SASH1: variants seen among roughly 807,000 people sequenced by gnomAD.
SASH1 encodes SAM and SH3 domain-containing protein 1.
A neutral mutation model predicts 125.2 loss-of-function variants in SASH1; 44 were observed. The observed-to-expected ratio is 0.35, with a 90% CI of 0.28 to 0.45. SASH1 has a LOEUF of 0.45. Ranked by LOEUF, SASH1 falls within the 20% of genes least tolerant of loss-of-function variation. The pLI, the probability that SASH1 is intolerant of heterozygous loss-of-function variation, is 1.00. For missense variants in SASH1, 1,426 were observed against 1,614.5 expected, an observed-to-expected ratio of 0.88 and a Z score of 2.00; for synonymous variants, 639 against 649.1, an observed-to-expected ratio of 0.98 and a Z score of 0.24.
At chr6:148,257,084 G>C in the SASH1 span, among the ~76,000 whole-genome samples, 1 of 152,132 alleles carries the variant, frequency 6.6e-6, no homozygotes. Flanking sequence ...CAATACGGCT[G>C]TTAACAAAAA....
At chr6:148,496,560 C>G (rs936841977) in intron 8 of SASH1, among the ~76,000 whole-genome samples, 2 of 151,636 alleles carry the variant, frequency 1.3e-5, no homozygotes, top group Non-Finnish European at 2.9e-5. Flanking sequence ...GTAGATGAAC[C>G]CTTTTCAAAA....
the SASH1 span, among the ~76,000 whole-genome samples, chr6:148,217,476 G>A: frequency 9.9e-5 from 15 of 152,220 alleles, no homozygotes; most frequent in African/African-American, 2.2e-4. Flanking sequence ...ATGTGGTACC[G>A]TTTTGTTCTT....
At chr6:148,408,160 T>C (rs1479830157) in intron 2 of SASH1, among the ~76,000 whole-genome samples, 3 of 149,102 alleles carry the variant, frequency 2.0e-5, no homozygotes, top group Non-Finnish European at 1.5e-5. Context: ...TTTTTTTTTT[T>C]GAGACAGAGT....
At chr6:148,297,778 C>T (rs900452122) in intron 1 of SASH1, among the ~76,000 whole-genome samples, 3 of 151,160 alleles carry the variant, frequency 2.0e-5, no homozygotes, top group East Asian at 2.0e-4. Context: ...TGCAGTGAGC[C>T]GAGATCGTGC....
the SASH1 span, among the ~76,000 whole-genome samples, chr6:148,193,759 T>TGCAAAA: frequency 6.6e-6 from 1 of 152,244 alleles, no homozygotes; most frequent in Non-Finnish European, 1.5e-5. Context: ...AAGTGAAACG[T>TGCAAAA]GCCTTCTACA....
At chr6:148,266,026 G>A in the SASH1 span, among the ~76,000 whole-genome samples, 2 of 151,072 alleles carry the variant, frequency 1.3e-5, no homozygotes. Context: ...AGGCTAGAGT[G>A]CAATGGCACA....
chr6:148,481,061 A>G (rs1778596842), intron 7 of SASH1, among the ~76,000 whole-genome samples: 1 of 117,836 alleles, frequency 8.5e-6, no homozygotes, highest in African/African-American at 2.7e-5. Context: ...GATTTTAAAT[A>G]ACAATTTCTG....
intron 1 of SASH1, among the ~76,000 whole-genome samples, chr6:148,301,326 C>CAA (rs746767710): frequency 5.0e-5 from 5 of 99,762 alleles, no homozygotes; most frequent in Admixed American, 1.1e-4. Flanking sequence ...AACTCCATCT[C>CAA]AAAAAAAAAA....
chr6:148,544,925 TGGACAGGA>T lies in SASH1; in HGVS notation c.3348+109_3348+116del. The T allele has an allele frequency of 9.2e-7, 1 of 1,086,108 alleles. No homozygotes were observed. The highest frequency in any genetic ancestry group is 1.3e-6 in the Non-Finnish European group (1 of 773,932). The allele number at this position is 1,086,108 out of a possible 1,614,324, so 67.3% of individuals were successfully genotyped here. On this transcript the variant is annotated intron_variant, in intron 18 of 19. Transcript: ENST00000367467. The surrounding 1 kb of genome is among the most constrained non-coding windows in gnomAD (Gnocchi z 6.4). ...GAAGCCAGCCCGGTAGCCCGCCCAGTGGACAGGAGACACCTGAATCCACGTGTCCACAC... is the reference window on the plus strand; with the variant it reads ...GAAGCCAGCCCGGTAGCCCGCCCAGTGACACCTGAATCCACGTGTCCACAC...
At chr6:148,349,716 C>T (rs1452927518) in intron 1 of SASH1, among the ~76,000 whole-genome samples, 1 of 152,174 alleles carries the variant, frequency 6.6e-6, no homozygotes, top group African/African-American at 2.4e-5. Context: ...AGGCCCAACA[C>T]TTTGTACAGT....
In SASH1 at chr6:148,514,337, C is replaced by G. The variant is rs773998010; in HGVS notation, c.743C>G (p.Ser248Trp). The G allele has an allele frequency of 3.1e-6, 5 of 1,604,340 alleles. No homozygotes were observed. In the South Asian group the frequency reaches 3.4e-5, roughly 11 times the overall value. The part of the protein sequence containing the change: ...GSSNCNSREQ[S>W]DDETEESVKF... ...TTTCTTTGCCAGTCAAGAGAACAAT[C>G]GGATGATGAGACTGAGGAGTCGGTG... The change falls in exon 9 of 20, where the codon TCG becomes TGG. Residue 248 changes from serine to tryptophan, a missense_variant. Ser to Trp is a radical substitution (Grantham distance 177). Around this residue, in one of 3 missense-constraint regions of SASH1, gnomAD observed 567 missense variants for 575.6 expected, o/e 0.99. Transcript: ENST00000367467.
At chr6:148,466,070 G>A (rs1337161122) in intron 4 of SASH1, among the ~76,000 whole-genome samples, 1 of 152,176 alleles carries the variant, frequency 6.6e-6, no homozygotes, top group Non-Finnish European at 1.5e-5. Flanking sequence ...AGCCTTGCAG[G>A]TAAATACAGG....
At position 148,515,721 on chromosome 6, in the gene SASH1, T is replaced by C. The variant is rs566014851; in HGVS notation, c.862+1265T>C. ...CCGCCAGTCGTGAATTCCACAGTAT[T>C]GAATGTACCCTGTGGCGGCCCTTAC... On this transcript the variant is annotated intron_variant, in intron 9 of 19. Coordinates refer to ENST00000367467, the MANE Select transcript of SASH1 (RefSeq NM_015278.5). 2.6e-5 allele frequency among the ~76,000 whole-genome samples: 4 copies of C among 152,316 alleles called. No individual in the cohort carries two copies. In the East Asian group the frequency reaches 7.7e-4, roughly 29 times the overall value.
chr6:148,373,380 C>A (rs907093839), intron 1 of SASH1, among the ~76,000 whole-genome samples: 1 of 151,992 alleles, frequency 6.6e-6, no homozygotes, highest in Non-Finnish European at 1.5e-5. Flanking sequence ...TGGAGTGGCT[C>A]TGGTGTGTTG....
intron 1 of SASH1, among the ~76,000 whole-genome samples, chr6:148,352,752 A>G (rs923037371): frequency 6.6e-6 from 1 of 151,858 alleles, no homozygotes; most frequent in Non-Finnish European, 1.5e-5. Flanking sequence ...CAGGTGGATC[A>G]CCTGTCAGGA....
the SASH1 span, among the ~76,000 whole-genome samples, chr6:148,264,589 T>C: frequency 5.3e-5 from 8 of 152,238 alleles, no homozygotes; most frequent in Non-Finnish European, 1.2e-4. Flanking sequence ...CTCAAGAGCC[T>C]TGTGGCCTCT....
intron 1 of SASH1, among the ~76,000 whole-genome samples, chr6:148,375,945 G>A (rs1302255472): frequency 6.6e-6 from 1 of 152,226 alleles, no homozygotes; most frequent in East Asian, 1.9e-4. Flanking sequence ...GGAGCCATCA[G>A]AAGGGTAGAT....
intron 9 of SASH1, among the ~76,000 whole-genome samples, chr6:148,517,072 C>T (rs1230094318): frequency 6.6e-6 from 1 of 152,186 alleles, no homozygotes; most frequent in Non-Finnish European, 1.5e-5. Flanking sequence ...CAGTTCTCTC[C>T]AGTAATGAAT....
rs1305547097 is a variant in SASH1, at chr6:148,487,689, A to G, written c.703A>G (p.Thr235Ala). Residue 235 changes from threonine (T) to alanine (A), a missense_variant, in exon 8 of 20, where the codon ACG (threonine) becomes GCG (alanine). Transcript: ENST00000367467. ...PADWPDGSYP[T>A]FDGSSNCNSR... Reference sequence around the variant, plus strand: ...TGACTGGCCAGATGGTTCTTACCCAACGTTTGATGGCTCATCAAACTGCAA... The same window carrying G: ...TGACTGGCCAGATGGTTCTTACCCAGCGTTTGATGGCTCATCAAACTGCAA... 3.1e-6 allele frequency: 5 copies of G among 1,613,082 alleles called. No individual in the cohort carries two copies. The highest frequency in any genetic ancestry group is 4.2e-6 in the Non-Finnish European group (5 of 1,179,468).
Sources: allele counts gnomAD v4.1 joint callset (sites outside exome capture counted in the v4.1 genomes callset), GRCh38; gene constraint gnomAD v4.1.1; regional missense constraint gnomAD v4.1.1; non-coding constraint Gnocchi (gnomAD v3.1); transcripts MANE v1.5; gene names NCBI Gene and HGNC (gene_info 2026-07-23, HGNC 2026-07-21).